Variants in ITGA1 observed in about 807,000 individuals in gnomAD.
The protein encoded by ITGA1 is integrin alpha-1.
In ITGA1, 85 loss-of-function variants were observed where a neutral mutation model predicts 145.9. The ratio of observed to expected loss-of-function variants is 0.58; its 90% CI spans 0.49 to 0.70. ITGA1 has a LOEUF of 0.70. ITGA1 is among the 30% of genes least tolerant of loss of function. The pLI, the probability that ITGA1 is intolerant of heterozygous loss-of-function variation, is 0.00. For synonymous variants in ITGA1, 520 were observed against 495.3 expected (o/e 1.05, Z -0.66); for missense variants, 1,351 against 1,418.7 (o/e 0.95, Z 0.77).
chr5:52,884,900 C>G (rs2447865), intron 7 of ITGA1, among the ~76,000 whole-genome samples: 34,082 of 151,984 alleles, frequency 0.22, 4,106 homozygotes, highest in African/African-American at 0.3. Context: ...CACAGATTAA[C>G]GGCTCAGTCC....
chr5:52,910,970 CTATATATAGTATGT>C (rs1750504852), intron 14 of ITGA1, among the ~76,000 whole-genome samples: 2 of 114,708 alleles, frequency 1.7e-5, no homozygotes, highest in East Asian at 5.6e-4. Context: ...ACTATATATA[CTATATATAGTATGT>C]ATACTATATA....
intron 26 of ITGA1, among the ~76,000 whole-genome samples, chr5:52,942,593 C>G (rs747791783): frequency 2.0e-5 from 3 of 150,280 alleles, no homozygotes; most frequent in African/African-American, 7.4e-5. Flanking sequence ...TCCAGTGGCG[C>G]GACCTTGGCT....
intron 2 of ITGA1, among the ~76,000 whole-genome samples, chr5:52,852,401 A>G (rs1438212147): frequency 6.6e-6 from 1 of 152,194 alleles, no homozygotes; most frequent in Non-Finnish European, 1.5e-5. Context: ...TTAAGGGATG[A>G]GCCTTCAGGC....
chr5:52,898,320 C>G lies in ITGA1; in HGVS notation c.1246C>G (p.Pro416Ala). The change falls in exon 11 of 29, where the codon CCT (proline) becomes GCT (alanine). Residue 416 changes from proline (P) to alanine (A), a missense_variant. Pro to Ala is a conservative substitution (Grantham distance 27). Coordinates refer to ENST00000282588, the MANE Select transcript of ITGA1 (RefSeq NM_181501.2). ...GCAGAAGGCTAGTCAAATCATAATC[C>G]CTCGAAACACAACCTTTAATGTTGA... ...VMQKASQIIIPRNTTFNVEST... is the reference protein window; with the variant it reads ...VMQKASQIIIARNTTFNVEST... 6.2e-7 allele frequency: 1 copy of G among 1,611,024 alleles called. No individual in the cohort carries two copies. The highest frequency in any genetic ancestry group is 8.5e-7 in the Non-Finnish European group (1 of 1,178,046).
intron 8 of ITGA1, among the ~76,000 whole-genome samples, chr5:52,891,864 T>TA (rs1489206995): frequency 6.6e-6 from 1 of 152,104 alleles, no homozygotes; most frequent in Non-Finnish European, 1.5e-5. Context: ...CATATTGTTT[T>TA]AAAAATGTTT....
At position 52,956,235 on chromosome 5, in the gene ITGA1, T is replaced by C. The variant is rs755238991; in HGVS notation, c.*3784T>C. Reference sequence around the variant, plus strand: ...GGGAATGTCCTTGTCCAACACGCTGTAATCTACTCCATGGGAACTGACTGT... The same window carrying C: ...GGGAATGTCCTTGTCCAACACGCTGCAATCTACTCCATGGGAACTGACTGT... On this transcript the variant is annotated 3_prime_UTR_variant, in exon 29 of 29. Coordinates refer to ENST00000282588, the MANE Select transcript of ITGA1 (RefSeq NM_181501.2). 2.0e-5 allele frequency: 3 copies of C among 152,178 alleles called. No homozygotes were observed. The highest frequency in any genetic ancestry group is 4.4e-5 in the Non-Finnish European group (3 of 68,030). 9.4% of individuals were successfully genotyped at this position (152,178 alleles called of 1,614,324 possible). A position where few individuals can be genotyped will look rare whatever the true frequency, so the allele number is the denominator to read the frequency against.
intron 1 of ITGA1, chr5:52,800,375 A>G: frequency 6.2e-7 from 1 of 1,613,194 alleles, no homozygotes; most frequent in East Asian, 2.2e-5. Flanking sequence ...TGGTTCTGTC[A>G]GTGAGCCCCT....
Position 52,937,460 on chromosome 5 carries a change from T to C in ITGA1, c.3024T>C (p.Asn1008=). Residue 1008 remains asparagine, a synonymous_variant, in exon 24 of 29, where the codon AAT becomes AAC. Transcript: ENST00000282588. ...PELKLSISFP[N]MTSNGYPVLY... ...TTAAGCTGTCAATTTCATTCCCCAA[T>C]ATGACATCAAATGGTTACCCTGTGC... The C allele has an allele frequency of 1.2e-6, 2 of 1,613,850 alleles. No homozygotes were observed. Among genetic ancestry groups the C allele is most frequent in the Non-Finnish European group, 1.7e-6 (2 of 1,179,782 alleles).
intron 1 of ITGA1, among the ~76,000 whole-genome samples, chr5:52,788,984 C>A (rs112275807): frequency 5.3e-5 from 8 of 152,064 alleles, no homozygotes; most frequent in African/African-American, 1.9e-4. Flanking sequence ...TATTTTGAAA[C>A]GTAGAAAGGA....
chr5:52,845,641 G>A (rs1307780131), intron 1 of ITGA1, among the ~76,000 whole-genome samples: 1 of 152,146 alleles, frequency 6.6e-6, no homozygotes, highest in African/African-American at 2.4e-5. Flanking sequence ...ATTTGGCTGT[G>A]TCTGGAGATT....
chr5:52,858,652 C>T (rs1406058177), intron 2 of ITGA1, among the ~76,000 whole-genome samples: 1 of 152,024 alleles, frequency 6.6e-6, no homozygotes, highest in Non-Finnish European at 1.5e-5. Context: ...CAATTTATTC[C>T]ATTACGTATT....
chr5:52,906,860 A>G (rs774805499), intron 12 of ITGA1, among the ~76,000 whole-genome samples: 2 of 152,116 alleles, frequency 1.3e-5, no homozygotes, highest in Non-Finnish European at 2.9e-5. Context: ...GTGCAGGGAT[A>G]CTCACATTAG....
At position 52,849,426 on chromosome 5, in the gene ITGA1, C is replaced by T. The variant is rs1174130399; in HGVS notation, c.123C>T (p.Gly41=). The T allele has an allele frequency of 1.2e-6, 2 of 1,611,274 alleles. No individual in the cohort carries two copies. The highest frequency in any genetic ancestry group is 1.7e-6 in the Non-Finnish European group (2 of 1,178,560). The change falls in exon 2 of 29, where the codon GGC becomes GGT. Residue 41 remains glycine, a synonymous_variant. Transcript: ENST00000282588. ...TGAAAAATTCAATGACTTTCAGCGGCCCGGTGGAAGACATGTTTGGATATA... is the reference window on the plus strand; with the variant it reads ...TGAAAAATTCAATGACTTTCAGCGGTCCGGTGGAAGACATGTTTGGATATA... ...VDVKNSMTFS[G]PVEDMFGYTV...
At chr5:52,922,410 A>G in intron 17 of ITGA1, among the ~76,000 whole-genome samples, 1 of 152,218 alleles carries the variant, frequency 6.6e-6, no homozygotes, top group East Asian at 1.9e-4. Context: ...GAAGTTGGGA[A>G]ATGTTCCCGG....
intron 18 of ITGA1, among the ~76,000 whole-genome samples, chr5:52,924,125 T>A (rs900871906): frequency 1.3e-5 from 2 of 152,172 alleles, no homozygotes; most frequent in African/African-American, 4.8e-5. Context: ...GGAATTCTTT[T>A]TCCCCATACA....
chr5:52,826,855 C>T (rs1748974653), intron 1 of ITGA1, among the ~76,000 whole-genome samples: 1 of 152,188 alleles, frequency 6.6e-6, no homozygotes, highest in Admixed American at 6.6e-5. Flanking sequence ...TACCCAGTCA[C>T]CCAAGAGCTC....
At chr5:52,801,384 C>G in intron 1 of ITGA1, 2 of 1,585,984 alleles carry the variant, frequency 1.3e-6, no homozygotes, top group South Asian at 1.1e-5. Flanking sequence ...ATTATTTTGC[C>G]TAACTTTTGT....
At chr5:52,921,376 G>A (rs1750727487) in intron 17 of ITGA1, among the ~76,000 whole-genome samples, 1 of 152,060 alleles carries the variant, frequency 6.6e-6, no homozygotes, top group Non-Finnish European at 1.5e-5. Context: ...GACAGAAAAT[G>A]TGCACCCTTT....
intron 20 of ITGA1, among the ~76,000 whole-genome samples, chr5:52,928,116 C>A (rs950201205): frequency 2.6e-5 from 4 of 152,122 alleles, no homozygotes; most frequent in African/African-American, 9.7e-5. Flanking sequence ...TTATAAAATG[C>A]TTGGTATAAG....
Sources: allele counts gnomAD v4.1 joint callset (sites outside exome capture counted in the v4.1 genomes callset), GRCh38; gene constraint gnomAD v4.1.1; transcripts MANE v1.5; gene names NCBI Gene and HGNC (gene_info 2026-07-23, HGNC 2026-07-21).